Variants in ACACA observed in about 807,000 individuals in gnomAD.
ACACA encodes acetyl-CoA carboxylase 1.
A neutral mutation model predicts 296.1 loss-of-function variants in ACACA; 103 were observed. That is an observed-to-expected ratio of 0.35 (90% CI 0.30 to 0.41). ACACA has a LOEUF of 0.41. ACACA is among the 10% of genes least tolerant of loss of function. The pLI is 1.00. For missense variants in ACACA, 1,554 were observed against 2,989.7 expected (o/e 0.52, Z 11.20); for synonymous variants, 953 against 1,038.6 (o/e 0.92, Z 1.58).
intron 38 of ACACA, among the ~76,000 whole-genome samples, chr17:37,190,234 G>C (rs2077697029): frequency 6.6e-6 from 1 of 152,020 alleles, no homozygotes; most frequent in Non-Finnish European, 1.5e-5. Context: ...TTGGAGACCA[G>C]CCTGACTAAC....
chr17:37,117,674 C>T (rs573625740), intron 50 of ACACA, among the ~76,000 whole-genome samples: 3 of 152,198 alleles, frequency 2.0e-5, no homozygotes, highest in South Asian at 4.1e-4. Context: ...TGCTGAATAG[C>T]CTTCCGGCCA....
At chr17:37,152,556 T>C (rs1212331869) in intron 43 of ACACA, among the ~76,000 whole-genome samples, 1 of 152,072 alleles carries the variant, frequency 6.6e-6, no homozygotes, top group Non-Finnish European at 1.5e-5. Flanking sequence ...GAAGGTGGAA[T>C]GTGTGTAGAA....
At position 37,257,602 on chromosome 17, in the gene ACACA, T is replaced by C; in HGVS notation, c.1826+101A>G. 5.9e-6 allele frequency: 7 copies of C among 1,185,428 alleles called. No homozygotes were observed. The South Asian group carries it at 7.8e-5, about 13-fold the overall frequency. 73.4% of individuals were successfully genotyped at this position (1,185,428 alleles called of 1,614,324 possible). A position where few individuals can be genotyped will look rare whatever the true frequency, so the allele number is the denominator to read the frequency against. On this transcript the variant is annotated intron_variant, in intron 14 of 55. Transcript: ENST00000616317. ...TTCTTCAAAAAGGTTGTTCATATTA[T>C]TACTTTGACAGCAGATGATTCCTAT...
intron 33 of ACACA, among the ~76,000 whole-genome samples, chr17:37,202,061 G>A (rs1057334274): frequency 2.0e-5 from 3 of 152,048 alleles, no homozygotes; most frequent in African/African-American, 7.2e-5. Context: ...ACACCTTGCT[G>A]TAAATAACCA....
intron 3 of ACACA, among the ~76,000 whole-genome samples, chr17:37,310,967 A>G (rs2084108931): frequency 6.6e-6 from 1 of 152,138 alleles, no homozygotes; most frequent in East Asian, 1.9e-4. Flanking sequence ...GAGTCATGAA[A>G]GTGTAGTCTT....
intron 41 of ACACA, among the ~76,000 whole-genome samples, chr17:37,168,849 G>A (rs2076781199): frequency 6.6e-6 from 1 of 151,992 alleles, no homozygotes; most frequent in African/African-American, 2.4e-5. Flanking sequence ...GTGTTTTTCT[G>A]GTCTGATGGT....
chr17:37,215,321 A>G (rs1038534032), intron 29 of ACACA, among the ~76,000 whole-genome samples: 1 of 152,040 alleles, frequency 6.6e-6, no homozygotes, highest in Non-Finnish European at 1.5e-5. Flanking sequence ...ATGTACAGAA[A>G]CGTACAACAA....
chr17:37,389,336 T>G, intron 1 of ACACA: 1 of 1,591,666 alleles, frequency 6.3e-7, no homozygotes, highest in Non-Finnish European at 8.6e-7. Flanking sequence ...GACAGCTGAA[T>G]CCAAGCCTGA....
At chr17:37,135,697 A>T (rs1172156344) in intron 45 of ACACA, among the ~76,000 whole-genome samples, 1 of 152,128 alleles carries the variant, frequency 6.6e-6, no homozygotes, top group Non-Finnish European at 1.5e-5. Context: ...GAAAGACAAT[A>T]AGGATTTGAA....
At chr17:37,382,911 C>T (rs1035446568) in intron 1 of ACACA, among the ~76,000 whole-genome samples, 1 of 151,964 alleles carries the variant, frequency 6.6e-6, no homozygotes, top group African/African-American at 2.4e-5. Context: ...GAGGCACGCG[C>T]TTGTAGTCCC....
chr17:37,152,023 T>C (rs1241059316), intron 43 of ACACA, among the ~76,000 whole-genome samples: 2 of 147,580 alleles, frequency 1.4e-5, no homozygotes, highest in East Asian at 4.0e-4. Context: ...TCTCGATCTC[T>C]TGACCTTGTG....
intron 1 of ACACA, among the ~76,000 whole-genome samples, chr17:37,390,322 A>ATCTATATCTATATATC (rs1555672346): frequency 5.3e-5 from 2 of 38,086 alleles, no homozygotes; most frequent in East Asian, 2.3e-3. Context: ...ATATATATAT[A>ATCTATATCTATATATC]TATATATATA....
chr17:37,112,692 C>T (rs2074043083), intron 51 of ACACA, among the ~76,000 whole-genome samples: 1 of 152,204 alleles, frequency 6.6e-6, no homozygotes, highest in South Asian at 2.1e-4. Flanking sequence ...TCTGGGGGGA[C>T]AAGAGAGAAG....
At chr17:37,102,834 A>T (rs952850371) in intron 52 of ACACA, among the ~76,000 whole-genome samples, 3 of 152,230 alleles carry the variant, frequency 2.0e-5, no homozygotes, top group African/African-American at 7.2e-5. Context: ...GAGCTTTGAA[A>T]GAATAACAAA....
chr17:37,092,273 CA>C (rs34799022), intron 54 of ACACA, among the ~76,000 whole-genome samples: 248 of 104,678 alleles, frequency 2.4e-3, no homozygotes, highest in Non-Finnish European at 2.4e-3. Context: ...TAGAGTGAGA[CA>C]AAAAAAAAAA....
intron 3 of ACACA, among the ~76,000 whole-genome samples, chr17:37,320,756 GA>G (rs1389678038): frequency 4.6e-5 from 7 of 151,728 alleles, no homozygotes; most frequent in Non-Finnish European, 8.8e-5. Context: ...AGACCAGCCT[GA>G]GCAATATGGT....
chr17:37,259,893 T>TTG (rs1184425124), intron 11 of ACACA, among the ~76,000 whole-genome samples: 54 of 151,308 alleles, frequency 3.6e-4, no homozygotes, highest in African/African-American at 1.3e-3. Flanking sequence ...TTTTTTTTTT[T>TTG]TTTTGAGACA....
intron 45 of ACACA, chr17:37,144,287 C>G: frequency 1.7e-6 from 1 of 601,714 alleles, no homozygotes; most frequent in East Asian, 3.2e-5. Context: ...ATCTCCTTTG[C>G]CCATGTTTAG....
chr17:37,089,087 G>T lies in ACACA; in HGVS notation c.6892-13C>A, dbSNP rs1439106330. On this transcript the variant is annotated splice_polypyrimidine_tract_variant and intron_variant, in intron 54 of 55. Coordinates refer to ENST00000616317, the MANE Select transcript of ACACA (RefSeq NM_198834.3). ...CCCAAACATAAGCCTGCAAACAGAT[G>T]ACTCTTGGTCAAACACCAGGGGTCA... is the stretch of plus-strand genomic sequence containing the variant. 8 of 1,614,118 alleles carry T rather than the reference G, an allele frequency of 5.0e-6. No individual in the cohort carries two copies. The highest frequency in any genetic ancestry group is 4.5e-5 in the East Asian group (2 of 44,872).
Sources: gnomAD v4.1 joint callset for allele counts (sites outside exome capture counted in the v4.1 genomes callset) on GRCh38, gnomAD v4.1.1 for gene constraint, MANE v1.5 for transcripts, NCBI Gene and HGNC (gene_info 2026-07-23, HGNC 2026-07-21) for gene names.